The following DCC variants were observed in gnomAD, a reference collection of about 807,000 sequenced individuals.
DCC encodes DCC netrin 1 receptor, also known as netrin receptor DCC.
DCC carries 58 observed loss-of-function variants against 172.5 expected under a neutral mutation model. The observed-to-expected ratio is 0.34, with a 90% confidence interval of 0.27 to 0.42. DCC has a LOEUF of 0.42. Among genes scored for constraint, DCC ranks in the 10% least tolerant of loss-of-function variants. The probability of loss-of-function intolerance (pLI) is 1.00; values close to 1 mark genes in which losing one functional copy is unlikely to be tolerated. For synonymous variants in DCC, 709 were observed against 644.5 expected (o/e 1.10, Z -1.52); for missense variants, 1,740 against 1,791.0 (o/e 0.97, Z 0.51).
chr18:53,284,090 G>A (rs1183272507), intron 12 of DCC, among the ~76,000 whole-genome samples: 2 of 152,116 alleles, frequency 1.3e-5, no homozygotes, highest in East Asian at 3.9e-4. Flanking sequence ...CCATTCATTT[G>A]CACGTGGCAT....
chr18:52,808,364 G>T (rs1423854021), intron 2 of DCC, among the ~76,000 whole-genome samples: 2 of 149,706 alleles, frequency 1.3e-5, no homozygotes, highest in African/African-American at 4.9e-5. Flanking sequence ...CCAGTAGACA[G>T]CCTGTAATTC....
chr18:53,064,800 A>C (rs1465146535), intron 6 of DCC, among the ~76,000 whole-genome samples: 1 of 152,158 alleles, frequency 6.6e-6, no homozygotes, highest in African/African-American at 2.4e-5. Context: ...TTCCACTACC[A>C]CTGAATTAAA....
chr18:52,398,368 C>A (rs896491642), intron 1 of DCC, among the ~76,000 whole-genome samples: 28 of 151,998 alleles, frequency 1.8e-4, no homozygotes, highest in Non-Finnish European at 1.2e-4. Context: ...CCACTCTCAT[C>A]TGTGGGTTTT....
intron 2 of DCC, among the ~76,000 whole-genome samples, chr18:52,852,574 T>C (rs897601335): frequency 1.3e-5 from 2 of 151,744 alleles, no homozygotes; most frequent in African/African-American, 4.9e-5. Context: ...ATGTTGATTA[T>C]GTATCAAACC....
chr18:52,448,086 G>A (rs778381939), intron 1 of DCC, among the ~76,000 whole-genome samples: 34 of 152,172 alleles, frequency 2.2e-4, no homozygotes, highest in African/African-American at 3.6e-4. Flanking sequence ...GAACCGGGCC[G>A]CACAGCAGGA....
intron 1 of DCC, among the ~76,000 whole-genome samples, chr18:52,591,006 A>G (rs1598937876): frequency 6.6e-6 from 1 of 152,374 alleles, no homozygotes; most frequent in East Asian, 1.9e-4. Flanking sequence ...CATTAAAAAT[A>G]TCCTGCAGTT....
At chr18:52,342,513 G>C (rs9966338) in intron 1 of DCC, among the ~76,000 whole-genome samples, 99,002 of 149,668 alleles carry the variant, frequency 0.66, 33,053 homozygotes, top group African/African-American at 0.73. Flanking sequence ...GTTTTAAATT[G>C]CCTCCTCGAG....
At chr18:52,397,225 T>A (rs1986264738) in intron 1 of DCC, among the ~76,000 whole-genome samples, 1 of 151,970 alleles carries the variant, frequency 6.6e-6, no homozygotes, top group South Asian at 2.1e-4. Context: ...AATTTCTGAT[T>A]TAATATTCTG....
At chr18:52,830,214 C>T (rs72920132) in intron 2 of DCC, among the ~76,000 whole-genome samples, 16,583 of 152,272 alleles carry the variant, frequency 0.11, 1,658 homozygotes, top group East Asian at 0.59. Context: ...GGGCCACATG[C>T]AGCCCATGAC....
chr18:53,337,691 T>A (rs1449714283), intron 14 of DCC, among the ~76,000 whole-genome samples: 1 of 152,244 alleles, frequency 6.6e-6, no homozygotes, highest in South Asian at 2.1e-4. Flanking sequence ...ATGTGGCAAC[T>A]TTAGAATCTT....
chr18:52,392,327 C>T (rs1986059901), intron 1 of DCC, among the ~76,000 whole-genome samples: 1 of 152,072 alleles, frequency 6.6e-6, no homozygotes, highest in Non-Finnish European at 1.5e-5. Flanking sequence ...GAGTCACTCT[C>T]ATGTTCAGTA....
Position 52,340,864 on chromosome 18 carries a change from A to T in DCC, c.77A>T (p.His26Leu), listed in dbSNP as rs568806828. 1 of 1,613,548 alleles carries T rather than the reference A, an allele frequency of 6.2e-7. No homozygotes were observed. The highest frequency in any genetic ancestry group is 1.3e-5 in the African/African-American group (1 of 74,910). The stretch of plus-strand genomic sequence containing the variant: ...TTCGGAGCTTCCTTGTTCAGCGCGC[A>T]TCTTCAAGTAACCGGTAAGTGGCTC... ...VLFGASLFSA[H>L]LQVTGFQIKA... The change falls in exon 1 of 29, where the codon CAT becomes CTT. Residue 26 changes from histidine (H) to leucine (L), a missense_variant. Physicochemically the swap from His to Leu is moderately conservative, Grantham distance 99 (BLOSUM62 -3). Around this residue, in one of 2 missense-constraint regions of DCC, gnomAD observed 1,732 missense variants for 1,767.4 expected, o/e 0.98. Transcript: ENST00000442544.
At chr18:53,015,935 A>G (rs2041802676) in intron 5 of DCC, among the ~76,000 whole-genome samples, 1 of 152,166 alleles carries the variant, frequency 6.6e-6, no homozygotes, top group South Asian at 2.1e-4. Flanking sequence ...ATATAAAAAT[A>G]TATGGTGAAT....
chr18:53,406,619 G>T (rs1171889317), intron 19 of DCC, among the ~76,000 whole-genome samples: 2 of 151,068 alleles, frequency 1.3e-5, no homozygotes, highest in African/African-American at 4.9e-5. Context: ...CAGGATAATT[G>T]CTTGAACCCG....
At chr18:53,064,564 G>C (rs1410187736) in intron 6 of DCC, among the ~76,000 whole-genome samples, 2 of 152,062 alleles carry the variant, frequency 1.3e-5, no homozygotes, top group East Asian at 3.9e-4. Flanking sequence ...TCCACAATCA[G>C]TCGACTTTCA....
chr18:52,546,786 C>G (rs987021952), intron 1 of DCC, among the ~76,000 whole-genome samples: 1 of 152,014 alleles, frequency 6.6e-6, no homozygotes, highest in East Asian at 1.9e-4. Context: ...TCAATTGGCA[C>G]TTGGGTTGCT....
At chr18:53,056,048 T>G (rs997775418) in intron 5 of DCC, among the ~76,000 whole-genome samples, 1 of 152,050 alleles carries the variant, frequency 6.6e-6, no homozygotes, top group Non-Finnish European at 1.5e-5. Context: ...TAAAGAATAT[T>G]TTTCCTCTTA....
At chr18:52,967,431 G>T (rs1200646596) in intron 5 of DCC, among the ~76,000 whole-genome samples, 1 of 152,196 alleles carries the variant, frequency 6.6e-6, no homozygotes, top group Non-Finnish European at 1.5e-5. Flanking sequence ...AGGCAACCAA[G>T]TGTATAATAT....
At chr18:53,006,640 G>A (rs1319651415) in intron 5 of DCC, among the ~76,000 whole-genome samples, 6 of 152,150 alleles carry the variant, frequency 3.9e-5, no homozygotes, top group African/African-American at 9.7e-5. Context: ...TGAAACTACT[G>A]CATGTTATAC....
Sources: allele counts gnomAD v4.1 joint callset (sites outside exome capture counted in the v4.1 genomes callset), GRCh38; gene constraint gnomAD v4.1.1; regional missense constraint gnomAD v4.1.1; transcripts MANE v1.5; gene names NCBI Gene and HGNC (gene_info 2026-07-23, HGNC 2026-07-21).